Variants in ZC3H4 observed in about 807,000 individuals in gnomAD.
ZC3H4 encodes zinc finger CCCH domain-containing protein 4.
In ZC3H4, 13 loss-of-function variants were observed where a neutral mutation model predicts 108.3. The observed-to-expected ratio is 0.12, with a 90% confidence interval of 0.08 to 0.19. The LOEUF is 0.19. Ranked by LOEUF, ZC3H4 falls within the 10% of genes least tolerant of loss-of-function variation. The pLI is 1.00. For synonymous variants in ZC3H4, 917 were observed against 749.6 expected (o/e 1.22, Z -3.65); for missense variants, 1,734 against 1,838.8 (o/e 0.94, Z 1.04).
intron 2 of ZC3H4, among the ~76,000 whole-genome samples, chr19:47,111,358 G>A (rs1488167978): frequency 1.3e-5 from 2 of 152,214 alleles, no homozygotes; most frequent in African/African-American, 2.4e-5. Flanking sequence ...GGCGTGGGGG[G>A]CCCGCGTTTC....
At chr19:47,112,637 G>T in intron 1 of ZC3H4, 48 bp from the exon 2 acceptor site, 1 of 1,206,526 alleles carries the variant, frequency 8.3e-7, no homozygotes. Context: ...CTGCTTGGGC[G>T]TGGCGGGAGG....
Position 47,112,434 on chromosome 19 carries a change from G to T in ZC3H4, c.151C>A (p.Pro51Thr). ...PHLLHHRLPL[P>T]DDREDGELEE... ...AACCGGGGGCCTGACCTGTCGTCAG[G>T]GAGCGGGAGGCGGTGGTGGAGGAGG... Residue 51 changes from proline (P) to threonine (T), a missense_variant, in exon 2 of 15, where the codon CCT (proline) becomes ACT (threonine). Around this residue, in one of 9 missense-constraint regions of ZC3H4, gnomAD observed 112 missense variants for 73.3 expected, o/e 1.53. Transcript: ENST00000253048. The T allele has an allele frequency of 1.6e-6, 2 of 1,236,354 alleles. No homozygotes were observed. 76.6% of individuals were successfully genotyped at this position (1,236,354 alleles called of 1,614,324 possible).
At chr19:47,070,125 C>T (rs2057299465) in intron 13 of ZC3H4, among the ~76,000 whole-genome samples, 1 of 151,464 alleles carries the variant, frequency 6.6e-6, no homozygotes, top group Non-Finnish European at 1.5e-5. Context: ...CATCGAATCA[C>T]CGAAACGGAG....
intron 2 of ZC3H4, among the ~76,000 whole-genome samples, chr19:47,110,264 TC>T (rs1406248372): frequency 6.6e-6 from 1 of 152,092 alleles, no homozygotes; most frequent in Non-Finnish European, 1.5e-5. Context: ...ATAAATCAAA[TC>T]CAGTAAGCTT....
chr19:47,102,904 T>C (rs545042966), intron 2 of ZC3H4, among the ~76,000 whole-genome samples: 135 of 151,762 alleles, frequency 8.9e-4, no homozygotes, highest in African/African-American at 3.2e-3. Context: ...CACTCTGGGG[T>C]TTGTCCAAGC....
At chr19:47,086,067 C>T (rs2057616190) in intron 6 of ZC3H4, among the ~76,000 whole-genome samples, 2 of 152,086 alleles carry the variant, frequency 1.3e-5, no homozygotes, top group African/African-American at 2.4e-5. Context: ...CAGGGTTTCA[C>T]CGTGTTAGCC....
At chr19:47,087,246 A>G (rs768388087) in intron 5 of ZC3H4, among the ~76,000 whole-genome samples, 9 of 151,866 alleles carry the variant, frequency 5.9e-5, no homozygotes, top group Non-Finnish European at 1.0e-4. Context: ...ACTGCACTCC[A>G]GCTTGGGCAA....
chr19:47,088,511 G>A (rs2057672847), intron 5 of ZC3H4, among the ~76,000 whole-genome samples: 2 of 151,774 alleles, frequency 1.3e-5, no homozygotes, highest in South Asian at 4.2e-4. Flanking sequence ...TCGCGCCATT[G>A]CACTCCAGCC....
rs780159479 is a variant in ZC3H4, at chr19:47,067,556, G to A, written c.2712C>T (p.Ser904=). ...TGGGGCCCACAGGGCTGGAATGAAGGCTGCCTTCGGGCTTGGAGGTGGGCA... is the reference window on the plus strand; with the variant it reads ...TGGGGCCCACAGGGCTGGAATGAAGACTGCCTTCGGGCTTGGAGGTGGGCA... ...RALPTSKPEG[S]LHSSPVGPSS... The change falls in exon 15 of 15, where the codon AGC becomes AGT. Residue 904 remains serine, a synonymous_variant. Transcript: ENST00000253048. The surrounding 1 kb of genome is among the most constrained non-coding windows in gnomAD (Gnocchi z 6.4). 6 of 1,601,436 alleles carry A rather than the reference G, an allele frequency of 3.7e-6. No homozygotes were observed. The highest frequency in any genetic ancestry group is 1.1e-5 in the South Asian group (1 of 89,214).
chr19:47,077,092 G>A lies in ZC3H4; in HGVS notation c.1441-4379C>T, dbSNP rs141027991. Among the ~76,000 whole-genome samples, 1,301 of 152,212 alleles carry A rather than the reference G, an allele frequency of 8.5e-3. 13 individuals are homozygous for A. The highest frequency in any genetic ancestry group is 0.03 in the African/African-American group (1,257 of 41,532). The stretch of plus-strand genomic sequence containing the variant: ...AGAGAACTGCTTGAACCTGGGAGGC[G>A]GAGGTTGCAGTGAGCCAACACTGCA... On this transcript the variant is annotated intron_variant, in intron 11 of 14. Transcript: ENST00000253048.
At chr19:47,107,114 C>G (rs1274796168) in intron 2 of ZC3H4, among the ~76,000 whole-genome samples, 1 of 152,202 alleles carries the variant, frequency 6.6e-6, no homozygotes, top group African/African-American at 2.4e-5. Context: ...ACTGAGCAAG[C>G]AAGAAATATC....
chr19:47,090,434 G>A (rs2057711530), intron 4 of ZC3H4, among the ~76,000 whole-genome samples: 1 of 152,186 alleles, frequency 6.6e-6, no homozygotes, highest in South Asian at 2.1e-4. Flanking sequence ...CAGAACCACA[G>A]ACCCCCGATC....
chr19:47,107,815 C>T (rs2057986792), intron 2 of ZC3H4, among the ~76,000 whole-genome samples: 1 of 152,186 alleles, frequency 6.6e-6, no homozygotes, highest in African/African-American at 2.4e-5. Flanking sequence ...ATTACATCAC[C>T]AGTGAAACTG....
intron 2 of ZC3H4, among the ~76,000 whole-genome samples, chr19:47,109,231 T>C (rs1173482997): frequency 6.6e-6 from 1 of 152,202 alleles, no homozygotes; most frequent in Non-Finnish European, 1.5e-5. Context: ...CTGGGGCTTC[T>C]AGGTCTTAAT....
At chr19:47,098,760 G>A (rs995630941) in intron 2 of ZC3H4, among the ~76,000 whole-genome samples, 7 of 152,032 alleles carry the variant, frequency 4.6e-5, no homozygotes, top group South Asian at 4.1e-4. Flanking sequence ...CTAGAGACTC[G>A]GTTTCAAAAA....
Position 47,082,071 on chromosome 19 carries a change from C to G in ZC3H4, c.1330+113G>C, listed in dbSNP as rs1244242984. ...AAATGAGATGGAGACTCACAGAAAG[C>G]TCTTGGCACAGAGAGAAAGCACAGA... is the stretch of plus-strand genomic sequence containing the variant. On this transcript the variant is annotated intron_variant, in intron 10 of 14. Coordinates refer to ENST00000253048, the MANE Select transcript of ZC3H4 (RefSeq NM_015168.2). The G allele has an allele frequency of 6.5e-6, 6 of 924,044 alleles. No homozygotes were observed. In the African/African-American group the frequency reaches 8.1e-5, roughly 12 times the overall value. 57.2% of individuals were successfully genotyped at this position (924,044 alleles called of 1,614,324 possible). A position where few individuals can be genotyped will look rare whatever the true frequency, so the allele number is the denominator to read the frequency against.
chr19:47,089,837 G>GC (rs1451308319), intron 5 of ZC3H4, 130 bp downstream of exon 5: 1 of 916,772 alleles, frequency 1.1e-6, no homozygotes, highest in Non-Finnish European at 1.7e-6. Context: ...CACATGCAGA[G>GC]CCTGGCCCTT....
Position 47,069,070 on chromosome 19 carries a change from G to A in ZC3H4, c.2398+22C>T, listed in dbSNP as rs149235104. 1.7e-3 allele frequency: 2,645 copies of A among 1,601,512 alleles called. 27 individuals carry two copies. The African/African-American group carries it at 0.03, about 18-fold the overall frequency. On this transcript the variant is annotated intron_variant, in intron 14 of 14. Transcript: ENST00000253048. ...CACAGCGGCCTGGGGCCTGTGCCCC[G>A]GCCCCTGGGGCGGACACGTGCCTTC...
At chr19:47,079,154 C>T (rs1357256101) in intron 11 of ZC3H4, among the ~76,000 whole-genome samples, 2 of 150,586 alleles carry the variant, frequency 1.3e-5, no homozygotes, top group Non-Finnish European at 3.0e-5. Context: ...CTCAGCCTCT[C>T]GAGTAGCTGG....
Sources: gnomAD v4.1 joint callset for allele counts (sites outside exome capture counted in the v4.1 genomes callset) on GRCh38, gnomAD v4.1.1 for gene constraint, gnomAD v4.1.1 regional missense constraint, Gnocchi (gnomAD v3.1) non-coding constraint, MANE v1.5 for transcripts, NCBI Gene and HGNC (gene_info 2026-07-23, HGNC 2026-07-21) for gene names.